VPS13D: variants seen among roughly 807,000 people sequenced by gnomAD.
VPS13D encodes intermembrane lipid transfer protein VPS13D.
VPS13D carries 187 observed loss-of-function variants against 461.9 expected under a neutral mutation model. The ratio of observed to expected loss-of-function variants is 0.40; its 90% confidence interval spans 0.36 to 0.46. VPS13D has a LOEUF of 0.46. Ranked by LOEUF, VPS13D falls within the 20% of genes least tolerant of loss-of-function variation. VPS13D has a pLI of 0.60. For missense variants in VPS13D, 4,711 were observed against 5,364.9 expected (o/e 0.88, Z 3.81); for synonymous variants, 1,951 against 1,986.3 (o/e 0.98, Z 0.47).
rs1431617119 is a variant in VPS13D, at chr1:12,244,632, C to G, written c.447+15C>G. ...AGAATATTGAAGTAAGTCCTGCTGA[C>G]TTTTATAAAAGTATCAACGTGAAAG... On this transcript the variant is annotated intron_variant, in intron 5 of 69. Transcript: ENST00000620676. 2 of 1,610,198 alleles carry G rather than the reference C, an allele frequency of 1.2e-6. No individual in the cohort carries two copies. The highest frequency in any genetic ancestry group is 1.7e-6 in the Non-Finnish European group (2 of 1,176,588).
At chr1:12,335,310 G>T (rs754329371) in intron 38 of VPS13D, among the ~76,000 whole-genome samples, 2 of 152,142 alleles carry the variant, frequency 1.3e-5, no homozygotes. Flanking sequence ...CAAGTGATCC[G>T]CCTGCCTGAG....
Position 12,507,004 on chromosome 1 carries a change from C to A in VPS13D, c.12946C>A (p.His4316Asn). Reference sequence around the variant, plus strand: ...CTACCACTGCCTTGTCTCCAAAGACCATGGGAAGGTGTATGTGCAGGTGAC... The same window carrying A: ...CTACCACTGCCTTGTCTCCAAAGACAATGGGAAGGTGTATGTGCAGGTGAC... The part of the protein sequence containing the change: ...DLYHCLVSKD[H>N]GKVYVQVTKK... The change falls in exon 69 of 70, where the codon CAT becomes AAT. Residue 4316 changes from histidine to asparagine, a missense_variant. By Grantham distance (68) the His-to-Asn change is moderately conservative. This residue lies in a region of VPS13D where 194 missense variants were observed against 220.9 expected (regional missense o/e 0.88). Coordinates refer to ENST00000620676, the MANE Select transcript of VPS13D (RefSeq NM_015378.4). This position sits in a 1 kb window ranked among gnomAD's most constrained non-coding sequence, Gnocchi z 5.3. 1 of 1,614,264 alleles carries A rather than the reference C, an allele frequency of 6.2e-7. No individual in the cohort carries two copies.
chr1:12,391,726 A>G (rs545319320), intron 60 of VPS13D, among the ~76,000 whole-genome samples: 21 of 152,344 alleles, frequency 1.4e-4, no homozygotes, highest in Non-Finnish European at 2.2e-4. Flanking sequence ...ATTTGTAAAT[A>G]AAATCTTTCA....
chr1:12,345,381 C>T lies in VPS13D; in HGVS notation c.8893C>T (p.His2965Tyr). 1 of 1,611,106 alleles carries T rather than the reference C, an allele frequency of 6.2e-7. No individual in the cohort carries two copies. The highest frequency in any genetic ancestry group is 8.5e-7 in the Non-Finnish European group (1 of 1,177,526). ...CTTTGTTCTGCCTGACAGACACACCCATGACCTCCGGATTCATCAACTGCA... is the reference window on the plus strand; with the variant it reads ...CTTTGTTCTGCCTGACAGACACACCTATGACCTCCGGATTCATCAACTGCA... ...ARGKLRHRHT[H>Y]DLRIHQLQVR... is the part of the protein sequence containing the mutation. Residue 2965 changes from histidine to tyrosine, a missense_variant, in exon 43 of 70, where the codon CAT (histidine) becomes TAT (tyrosine). This residue lies in a region of VPS13D where 4,411 missense variants were observed against 4,937.8 expected (regional missense o/e 0.89). Transcript: ENST00000620676.
chr1:12,362,677 C>T (rs1401036838), intron 50 of VPS13D, 43 bp from the exon 51 acceptor site: 4 of 1,586,834 alleles, frequency 2.5e-6, no homozygotes, highest in Middle Eastern at 1.7e-4. Context: ...AGAGTTTTCT[C>T]TCTTCATGGT....
chr1:12,458,087 T>A (rs1395316883), intron 66 of VPS13D, among the ~76,000 whole-genome samples: 1 of 152,156 alleles, frequency 6.6e-6, no homozygotes, highest in African/African-American at 2.4e-5. Flanking sequence ...TGGTTCAAAG[T>A]TGCAAAATCA....
At chr1:12,378,010 C>T (rs868202429) in intron 55 of VPS13D, among the ~76,000 whole-genome samples, 1 of 152,050 alleles carries the variant, frequency 6.6e-6, no homozygotes, top group South Asian at 2.1e-4. Context: ...AGATATTGAG[C>T]ATATCGTATA....
intron 67 of VPS13D, among the ~76,000 whole-genome samples, chr1:12,480,802 A>G (rs1645704900): frequency 6.6e-6 from 1 of 152,230 alleles, no homozygotes; most frequent in African/African-American, 2.4e-5. Context: ...GAGGGCACTA[A>G]CTAGAAGGTT....
intron 67 of VPS13D, among the ~76,000 whole-genome samples, chr1:12,465,445 A>T (rs1033289726): frequency 4.6e-5 from 7 of 152,316 alleles, no homozygotes; most frequent in Admixed American, 3.9e-4. Flanking sequence ...AGGAAGGGGA[A>T]TTTGAAGGAT....
At chr1:12,237,816 G>A (rs911190613) in intron 2 of VPS13D, among the ~76,000 whole-genome samples, 2 of 152,030 alleles carry the variant, frequency 1.3e-5, no homozygotes, top group Non-Finnish European at 2.9e-5. Context: ...AACAGAGCAA[G>A]ACCCTGTTTC....
At chr1:12,451,376 T>C (rs1645260365) in intron 65 of VPS13D, among the ~76,000 whole-genome samples, 1 of 152,242 alleles carries the variant, frequency 6.6e-6, no homozygotes, top group Non-Finnish European at 1.5e-5. Context: ...TTAATGACTT[T>C]GGACTGTGGC....
chr1:12,245,452 C>A (rs552274557), intron 5 of VPS13D, among the ~76,000 whole-genome samples: 8 of 152,096 alleles, frequency 5.3e-5, no homozygotes, highest in Non-Finnish European at 1.0e-4. Flanking sequence ...AGTTCTTATG[C>A]CAGAAAGTTC....
Position 12,279,604 on chromosome 1 carries a change from C to A in VPS13D, c.4556C>A (p.Thr1519Asn). 1 of 1,612,880 alleles carries A rather than the reference C, an allele frequency of 6.2e-7. No homozygotes were observed. The highest frequency in any genetic ancestry group is 8.5e-7 in the Non-Finnish European group (1 of 1,179,232). Residue 1519 changes from threonine (T) to asparagine (N), a missense_variant, in exon 20 of 70, where the codon ACT becomes AAT. Coordinates refer to ENST00000620676, the MANE Select transcript of VPS13D (RefSeq NM_015378.4). The surrounding 1 kb of genome is among the most constrained non-coding windows in gnomAD (Gnocchi z 4.3). ...TFSLSPDDLG[T>N]SSIMKIEGKF... ...TCTCTTAGCCCAGATGACCTGGGAACTTCTAGCATCATGAAGATTGAAGGA... is the reference window on the plus strand; with the variant it reads ...TCTCTTAGCCCAGATGACCTGGGAAATTCTAGCATCATGAAGATTGAAGGA...
Position 12,355,982 on chromosome 1 carries a change from T to C in VPS13D, c.9763T>C (p.Tyr3255His), listed in dbSNP as rs537453215. The part of the protein sequence containing the change: ...TQNYMVRMRL[Y>H]DVNRRQLNLT... ...AAACTATATGGTGAGAATGCGACTC[T>C]ATGACGTCAACCGTCGGCAGCTGAA... The change falls in exon 48 of 70, where the codon TAT becomes CAT. Residue 3255 changes from tyrosine to histidine, a missense_variant. By Grantham distance (83) the Tyr-to-His change is moderately conservative. Transcript: ENST00000620676. 1.2e-6 allele frequency: 2 copies of C among 1,613,764 alleles called. No homozygotes were observed. The highest frequency in any genetic ancestry group is 2.2e-5 in the South Asian group (2 of 90,988).
intron 23 of VPS13D, 74 bp downstream of exon 23, chr1:12,291,198 C>G (rs1331947952): frequency 1.3e-6 from 2 of 1,513,698 alleles, no homozygotes; most frequent in Non-Finnish European, 1.8e-6. Context: ...GTTGGCTAGA[C>G]AATAAAGAAA....
At position 12,244,321 on chromosome 1, in the gene VPS13D, G is replaced by A. The variant is rs1640476584; in HGVS notation, c.251G>A (p.Ser84Asn). 1 of 1,613,988 alleles carries A rather than the reference G, an allele frequency of 6.2e-7. No homozygotes were observed. Among genetic ancestry groups the A allele is most frequent in the African/African-American group, 1.3e-5 (1 of 74,898 alleles). Residue 84 changes from serine (S) to asparagine (N), a missense_variant, in exon 4 of 70, where the codon AGC becomes AAC. By Grantham distance (46) the Ser-to-Asn change is conservative. This residue lies in a region of VPS13D where 4,411 missense variants were observed against 4,937.8 expected (regional missense o/e 0.89). Transcript: ENST00000620676. ...GACCCTTGGGTGATCTCCATCTCCA[G>A]CCTTCACTTAATTGGAGCCCCAGAG... ...HVDPWVISIS[S>N]LHLIGAPEKI...
chr1:12,401,467 T>G (rs778280141), intron 61 of VPS13D, 141 bp from the exon 62 acceptor site: 3 of 563,712 alleles, frequency 5.3e-6, no homozygotes, highest in South Asian at 2.6e-5. Context: ...TAGAGAGAGA[T>G]AACCCAGAAA....
rs751472786 is a variant in VPS13D, at chr1:12,345,370, A to G, written c.8886-4A>G. The G allele has an allele frequency of 6.2e-7, 1 of 1,606,330 alleles. No individual in the cohort carries two copies. The highest frequency in any genetic ancestry group is 1.7e-5 in the Admixed American group (1 of 59,774). ...AATATCTTTTTCTTTGTTCTGCCTG[A>G]CAGACACACCCATGACCTCCGGATT... On this transcript the variant is annotated splice_polypyrimidine_tract_variant and splice_region_variant and intron_variant, in intron 42 of 69. Transcript: ENST00000620676.
Position 12,460,340 on chromosome 1 carries a change from T to C in VPS13D, c.12606T>C (p.Asp4202=), listed in dbSNP as rs1380590513. 6.2e-7 allele frequency: 1 copy of C among 1,612,828 alleles called. No homozygotes were observed. Among genetic ancestry groups the C allele is most frequent in the Non-Finnish European group, 8.5e-7 (1 of 1,179,418 alleles). The part of the protein sequence containing the change: ...TVTKPVAGAL[D]FASETAQAVR... ...CCAAGCCAGTGGCAGGCGCCCTGGA[T>C]TTTGCATCAGAAACAGCCCAGGCGG... Residue 4202 remains aspartate, a synonymous_variant, in exon 67 of 70, where the codon GAT becomes GAC. Transcript: ENST00000620676.
Sources: gnomAD v4.1 joint callset for allele counts (sites outside exome capture counted in the v4.1 genomes callset) on GRCh38, gnomAD v4.1.1 for gene constraint, gnomAD v4.1.1 regional missense constraint, Gnocchi (gnomAD v3.1) non-coding constraint, MANE v1.5 for transcripts, NCBI Gene and HGNC (gene_info 2026-07-23, HGNC 2026-07-21) for gene names.